Variants in KCNH1 observed in about 807,000 individuals in gnomAD.
KCNH1 encodes voltage-gated delayed rectifier potassium channel KCNH1.
KCNH1 carries 27 observed loss-of-function variants against 69.2 expected under a neutral mutation model. That is an observed-to-expected ratio of 0.39 (90% CI 0.29 to 0.54). The LOEUF (loss-of-function observed/expected upper bound fraction) is 0.54. Among genes scored for constraint, KCNH1 ranks in the 20% least tolerant of loss-of-function variants. The pLI is 0.68. For synonymous variants in KCNH1, 456 were observed against 487.7 expected (o/e 0.93, Z 0.86); for missense variants, 798 against 1,261.6 (o/e 0.63, Z 5.57).
intron 10 of KCNH1, among the ~76,000 whole-genome samples, chr1:210,763,426 G>A (rs148391431): frequency 8.3e-4 from 127 of 152,200 alleles, no homozygotes; most frequent in African/African-American, 2.8e-3. Context: ...AAAGGAAGAA[G>A]TCAAACCATC....
At chr1:210,838,823 A>G (rs1296621978) in intron 7 of KCNH1, among the ~76,000 whole-genome samples, 1 of 152,220 alleles carries the variant, frequency 6.6e-6, no homozygotes, top group African/African-American at 2.4e-5. Context: ...GCTCAACATC[A>G]CTAATCATTA....
rs1410330503 is a variant in KCNH1 at position 210,856,898 on chromosome 1, T to TATATATATATATATATATATATATAA, written c.1463-52733_1463-52732insTTATATATATATATATATATATATAT. 3.8e-3 allele frequency among the ~76,000 whole-genome samples: 458 copies of TATATATATATATATATATATATATAA among 121,304 alleles called. 11 individuals are homozygous for TATATATATATATATATATATATATAA. The highest frequency in any genetic ancestry group is 9.2e-3 in the East Asian group (26 of 2,836). 79.6% of individuals were successfully genotyped at this position (121,304 alleles called of 152,430 possible). A position where few individuals can be genotyped will look rare whatever the true frequency, so the allele number is the denominator to read the frequency against. ...CCCACTATATATATATATATATATA[T>TATATATATATATATATATATATATAA]AAAATACTCATGCCTGGTGTTTACT... On this transcript the variant is annotated intron_variant, in intron 7 of 10. Transcript: ENST00000271751.
chr1:211,029,055 G>T (rs114486495), intron 5 of KCNH1, among the ~76,000 whole-genome samples: 2 of 151,280 alleles, frequency 1.3e-5, no homozygotes, highest in Admixed American at 6.6e-5. Context: ...ATGAGGCCAG[G>T]CATGGTGGCT....
intron 7 of KCNH1, among the ~76,000 whole-genome samples, chr1:210,887,683 T>C (rs1222888154): frequency 2.0e-5 from 1 of 50,340 alleles, no homozygotes; most frequent in East Asian, 6.2e-4. Flanking sequence ...AGGCTCAAAA[T>C]AAAGGGATGG....
chr1:210,846,057 C>T (rs1260966774), intron 7 of KCNH1, among the ~76,000 whole-genome samples: 1 of 152,144 alleles, frequency 6.6e-6, no homozygotes, highest in Non-Finnish European at 1.5e-5. Context: ...GAACTACAAA[C>T]CACTGCTCAA....
At chr1:210,780,115 G>A (rs1683947829) in intron 9 of KCNH1, among the ~76,000 whole-genome samples, 1 of 152,180 alleles carries the variant, frequency 6.6e-6, no homozygotes, top group African/African-American at 2.4e-5. Flanking sequence ...CTGGAACTCT[G>A]GGACCCTGGA....
chr1:211,068,013 C>T (rs541907969), intron 5 of KCNH1, among the ~76,000 whole-genome samples: 3 of 152,290 alleles, frequency 2.0e-5, no homozygotes, highest in African/African-American at 7.2e-5. Flanking sequence ...AAAGGAGATA[C>T]GAGTTCTACA....
chr1:211,129,200 A>G (rs1691833863), intron 1 of KCNH1, among the ~76,000 whole-genome samples: 1 of 152,244 alleles, frequency 6.6e-6, no homozygotes, highest in South Asian at 2.1e-4. Context: ...AAATATCCTA[A>G]GTGTATAAAG....
chr1:210,919,631 C>A lies in KCNH1; in HGVS notation c.1462+9G>T. The A allele has an allele frequency of 2.5e-6, 4 of 1,608,606 alleles. No homozygotes were observed. In the South Asian group the frequency reaches 3.3e-5, roughly 13 times the overall value. The stretch of plus-strand genomic sequence containing the variant: ...ATGGCCAACCCCACCCCAGCACTGT[C>A]ATACTTACAGCCAATCATCATGATG... On this transcript the variant is annotated intron_variant, in intron 7 of 10. Coordinates refer to ENST00000271751, the MANE Select transcript of KCNH1 (RefSeq NM_172362.3). This position sits in a 1 kb window ranked among gnomAD's most constrained non-coding sequence, Gnocchi z 4.2.
chr1:211,120,443 G>A (rs929140400), intron 1 of KCNH1, among the ~76,000 whole-genome samples: 1 of 152,074 alleles, frequency 6.6e-6, no homozygotes, highest in Non-Finnish European at 1.5e-5. Flanking sequence ...ACCTGCCTCA[G>A]CCTCCCAAAA....
intron 6 of KCNH1, among the ~76,000 whole-genome samples, chr1:211,017,660 T>C (rs936289734): frequency 6.6e-6 from 1 of 152,190 alleles, no homozygotes; most frequent in Non-Finnish European, 1.5e-5. Context: ...CCTCACTGTT[T>C]CAAAGAAAAT....
chr1:211,050,136 A>C (rs1337315160), intron 5 of KCNH1, among the ~76,000 whole-genome samples: 2 of 151,878 alleles, frequency 1.3e-5, no homozygotes, highest in Non-Finnish European at 2.9e-5. Flanking sequence ...CTCTAGGTAC[A>C]CCCATGCCAG....
intron 1 of KCNH1, among the ~76,000 whole-genome samples, chr1:211,113,365 C>T (rs1691507442): frequency 6.6e-6 from 1 of 152,096 alleles, no homozygotes; most frequent in Admixed American, 6.6e-5. Context: ...TGTTATTCTG[C>T]CTTCTGATAT....
intron 6 of KCNH1, among the ~76,000 whole-genome samples, chr1:210,992,825 C>T (rs573074583): frequency 1.3e-5 from 2 of 152,282 alleles, no homozygotes; most frequent in African/African-American, 2.4e-5. Flanking sequence ...TTTATGCTTT[C>T]CCTTAATGAG....
chr1:211,033,357 G>A (rs938425546), intron 5 of KCNH1, among the ~76,000 whole-genome samples: 30 of 152,298 alleles, frequency 2.0e-4, no homozygotes, highest in East Asian at 1.5e-3. Context: ...TCAGTGTGGC[G>A]ATTCCTCAGG....
intron 9 of KCNH1, among the ~76,000 whole-genome samples, chr1:210,795,962 A>AC (rs1558472980): frequency 0.12 from 16,687 of 135,938 alleles, 1,428 homozygotes; most frequent in Non-Finnish European, 0.18. Flanking sequence ...CTCTACTAAA[A>AC]ACACACACAC....
intron 10 of KCNH1, among the ~76,000 whole-genome samples, chr1:210,715,531 AC>A (rs1266010629): frequency 2.0e-5 from 3 of 150,888 alleles, no homozygotes; most frequent in East Asian, 1.9e-4. Flanking sequence ...AAAAAAAAAA[AC>A]GTAATGGGAT....
intron 6 of KCNH1, among the ~76,000 whole-genome samples, chr1:210,955,159 A>C (rs568312244): frequency 2.0e-5 from 3 of 152,290 alleles, no homozygotes; most frequent in East Asian, 3.9e-4. Flanking sequence ...TAAACAGGGA[A>C]TCCTTTCCCC....
At chr1:210,736,108 C>T (rs891793151) in intron 10 of KCNH1, among the ~76,000 whole-genome samples, 1 of 152,092 alleles carries the variant, frequency 6.6e-6, no homozygotes, top group Non-Finnish European at 1.5e-5. Context: ...TCCACAGGCA[C>T]AATCACAGTG....
Sources: allele counts gnomAD v4.1 joint callset (sites outside exome capture counted in the v4.1 genomes callset), GRCh38; gene constraint gnomAD v4.1.1; non-coding constraint Gnocchi (gnomAD v3.1); transcripts MANE v1.5; gene names NCBI Gene and HGNC (gene_info 2026-07-23, HGNC 2026-07-21).